Variants in RNF38 observed in about 807,000 individuals in gnomAD.
RNF38 encodes E3 ubiquitin-protein ligase RNF38.
Under a neutral mutation model 67.2 loss-of-function variants are expected in RNF38, and 15 were observed. The ratio of observed to expected loss-of-function variants is 0.22; its 90% CI spans 0.15 to 0.34. The LOEUF is 0.34. Ranked by LOEUF, RNF38 falls within the 10% of genes least tolerant of loss-of-function variation. RNF38 has a pLI of 1.00. For missense variants in RNF38, 524 were observed against 639.9 expected (o/e 0.82, Z 1.95); for synonymous variants, 220 against 218.8 (o/e 1.01, Z -0.05).
chr9:36,443,741 T>C (rs1839245154), intron 1 of RNF38, among the ~76,000 whole-genome samples: 1 of 152,084 alleles, frequency 6.6e-6, no homozygotes, highest in Non-Finnish European at 1.5e-5. Context: ...AATAGGATGG[T>C]AAACAGACTC....
chr9:36,345,218 T>C (rs1479148870), intron 9 of RNF38, among the ~76,000 whole-genome samples: 1 of 152,198 alleles, frequency 6.6e-6, no homozygotes, highest in Non-Finnish European at 1.5e-5. Flanking sequence ...TGAAAAAATC[T>C]AAACACATAC....
chr9:36,422,745 C>T (rs1253163953), intron 2 of RNF38, among the ~76,000 whole-genome samples: 1 of 152,186 alleles, frequency 6.6e-6, no homozygotes, highest in East Asian at 1.9e-4. Context: ...ATCTCCTGTT[C>T]CTTAATAATA....
intron 2 of RNF38, among the ~76,000 whole-genome samples, chr9:36,411,483 T>C (rs1838323847): frequency 6.6e-6 from 1 of 152,248 alleles, no homozygotes; most frequent in African/African-American, 2.4e-5. Flanking sequence ...CATAGCAACA[T>C]TATTCACAAT....
intron 2 of RNF38, among the ~76,000 whole-genome samples, chr9:36,410,805 T>C (rs901313581): frequency 8.5e-5 from 13 of 152,228 alleles, no homozygotes; most frequent in African/African-American, 2.9e-4. Flanking sequence ...GGACCCTCTC[T>C]TTTATTAAGT....
Position 36,352,733 on chromosome 9 carries a change from A to G in RNF38, c.1178+9T>C. 3 of 1,582,168 alleles carry G rather than the reference A, an allele frequency of 1.9e-6. No individual in the cohort carries two copies. Among genetic ancestry groups the G allele is most frequent in the Non-Finnish European group, 2.6e-6 (3 of 1,150,890 alleles). On this transcript the variant is annotated intron_variant, in intron 8 of 11. Coordinates refer to ENST00000259605, the MANE Select transcript of RNF38 (RefSeq NM_022781.5). ...AATTCAGAAATCATTAAGATAAGAAAGAACTTACAACACATATGGCAGTAA... is the reference window on the plus strand; with the variant it reads ...AATTCAGAAATCATTAAGATAAGAAGGAACTTACAACACATATGGCAGTAA...
In RNF38 at chr9:36,364,821, T is replaced by C. The variant is rs531689646; in HGVS notation, c.570+4898A>G. On this transcript the variant is annotated intron_variant, in intron 4 of 11. Coordinates refer to ENST00000259605, the MANE Select transcript of RNF38 (RefSeq NM_022781.5). ...CTGATTCAGTAAGTCTAGTGTACAG[T>C]CTGCGAATCTGCAGTTCTAACAAAT... Among the ~76,000 whole-genome samples, 9 of 152,370 alleles carry C rather than the reference T, an allele frequency of 5.9e-5. No individual in the cohort carries two copies. In the East Asian group the frequency reaches 1.7e-3, roughly 29 times the overall value.
intron 1 of RNF38, among the ~76,000 whole-genome samples, chr9:36,466,799 A>G (rs1034886798): frequency 1.3e-5 from 2 of 152,066 alleles, no homozygotes; most frequent in African/African-American, 4.8e-5. Flanking sequence ...TTTCTCTAAT[A>G]TACATTTCTA....
At chr9:36,361,074 C>G (rs951692939) in intron 4 of RNF38, among the ~76,000 whole-genome samples, 1 of 152,126 alleles carries the variant, frequency 6.6e-6, no homozygotes, top group African/African-American at 2.4e-5. Context: ...ACTTCAGCCT[C>G]CCAAAGTGCA....
At chr9:36,381,238 G>T (rs1272333275) in intron 2 of RNF38, among the ~76,000 whole-genome samples, 1 of 152,078 alleles carries the variant, frequency 6.6e-6, no homozygotes, top group Non-Finnish European at 1.5e-5. Context: ...ATACAAAACT[G>T]AATCTGGAAG....
upstream of RNF38, chr9:36,400,668 CG>C (rs1837948570): frequency 1.0e-6 from 1 of 985,722 alleles, no homozygotes; most frequent in Non-Finnish European, 1.2e-6. Flanking sequence ...CCGCCGTCCG[CG>C]GGCCTCCTCA....
At chr9:36,453,381 ATTTT>A (rs571598885) in intron 1 of RNF38, among the ~76,000 whole-genome samples, 1 of 135,772 alleles carries the variant, frequency 7.4e-6, no homozygotes, top group Non-Finnish European at 1.6e-5. Context: ...TGTTCAGGTA[ATTTT>A]TTTTTTTTTT....
intron 1 of RNF38, among the ~76,000 whole-genome samples, chr9:36,472,594 T>C (rs1025512758): frequency 1.3e-5 from 2 of 152,162 alleles, no homozygotes; most frequent in African/African-American, 4.8e-5. Flanking sequence ...TAGAAGCCCA[T>C]TTTGCCATAG....
At chr9:36,454,701 G>T (rs1027440651) in intron 1 of RNF38, among the ~76,000 whole-genome samples, 1 of 149,048 alleles carries the variant, frequency 6.7e-6, no homozygotes, top group African/African-American at 2.5e-5. Context: ...TCCTGCTTCA[G>T]CCTGCTTAGT....
At chr9:36,463,668 T>C (rs1337537985) in intron 1 of RNF38, among the ~76,000 whole-genome samples, 1 of 152,214 alleles carries the variant, frequency 6.6e-6, no homozygotes, top group Non-Finnish European at 1.5e-5. Flanking sequence ...CAAAGATATG[T>C]ACATATTACA....
chr9:36,369,743 T>G lies in RNF38; in HGVS notation c.546A>C (p.Ala182=). 25 of 1,613,738 alleles carry G rather than the reference T, an allele frequency of 1.5e-5. No homozygotes were observed. Among genetic ancestry groups the G allele is most frequent in the Non-Finnish European group, 2.0e-5 (24 of 1,179,840 alleles). ...CCTGATCATGTATGTCAACCATGAC[T>G]GCATTCTGCTGGGGTGGATGAGCAG... ...HPAAHPPQQN[A]VMVDIHDQLH... is the part of the protein sequence containing the mutation. Residue 182 remains alanine (A), a synonymous_variant, in exon 4 of 12, where the codon GCA becomes GCC. Coordinates refer to ENST00000259605, the MANE Select transcript of RNF38 (RefSeq NM_022781.5).
chr9:36,401,214 G>GGGGCA (rs1288833459), upstream of RNF38: 1 of 982,754 alleles, frequency 1.0e-6, no homozygotes, highest in African/African-American at 1.8e-5. Context: ...GGGGCGGGGC[G>GGGGCA]GGGCGGGGCT....
At position 36,400,116 on chromosome 9, in the gene RNF38, T is replaced by A; in HGVS notation, c.-8A>T. The A allele has an allele frequency of 6.2e-7, 1 of 1,612,606 alleles. No homozygotes were observed. The highest frequency in any genetic ancestry group is 1.1e-5 in the South Asian group (1 of 90,992). The stretch of plus-strand genomic sequence containing the variant: ...CTTTACCTTACAAGCCATACAGACG[T>A]AAACAAAAACTTTATTTCTTTTTGG... On this transcript the variant is annotated 5_prime_UTR_variant, in exon 1 of 12. Coordinates refer to ENST00000259605, the MANE Select transcript of RNF38 (RefSeq NM_022781.5).
chr9:36,348,302 A>C (rs1216649370), intron 9 of RNF38, among the ~76,000 whole-genome samples: 1 of 147,456 alleles, frequency 6.8e-6, no homozygotes. Flanking sequence ...CTCTGAAAGA[A>C]AAAAAAAAAA....
rs145923684 is a variant in RNF38, at chr9:36,425,956, A to G, written n.242-1273T>C. On this transcript the variant is annotated intron_variant and non_coding_transcript_variant, in intron 1 of 3. Transcript: ENST00000488058. ...CATGATCTGCCTGCCTCTGCCTCCC[A>G]AAGTGCTAGGATTGCAGGCGTGAGC... is the stretch of plus-strand genomic sequence containing the variant. Among the ~76,000 whole-genome samples the G allele has an allele frequency of 5.5e-3, 839 of 152,064 alleles. 9 individuals carry two copies. The highest frequency in any genetic ancestry group is 0.024 in the Middle Eastern group (7 of 294).
Sources: allele counts gnomAD v4.1 joint callset (sites outside exome capture counted in the v4.1 genomes callset), GRCh38; gene constraint gnomAD v4.1.1; transcripts MANE v1.5; gene names NCBI Gene and HGNC (gene_info 2026-07-23, HGNC 2026-07-21).